The following UBTD1 variants were observed in gnomAD, a reference collection of about 807,000 sequenced individuals.
UBTD1 encodes the protein ubiquitin domain containing 1, also known as ubiquitin domain-containing protein 1.
UBTD1 carries 19 observed loss-of-function variants against 21.7 expected under a neutral mutation model. The ratio of observed to expected loss-of-function variants is 0.87; its 90% CI spans 0.61 to 1.28. UBTD1 has a LOEUF of 1.28. Among genes scored for constraint, UBTD1 ranks in the 50% most tolerant of loss-of-function variants. The pLI is 0.00. For missense variants in UBTD1, 282 were observed against 315.1 expected, an observed-to-expected ratio of 0.89 and a Z score of 0.80; for synonymous variants, 116 against 135.1, an observed-to-expected ratio of 0.86 and a Z score of 0.98.
chr10:97,556,708 A>G (rs1259394821), intron 1 of UBTD1, among the ~76,000 whole-genome samples: 1 of 152,256 alleles, frequency 6.6e-6, no homozygotes, highest in African/African-American at 2.4e-5. Flanking sequence ...AGATGACTTA[A>G]TGGTGCCAAT....
intron 1 of UBTD1, among the ~76,000 whole-genome samples, chr10:97,537,189 A>G (rs2040566777): frequency 6.6e-6 from 1 of 152,140 alleles, no homozygotes; most frequent in African/African-American, 2.4e-5. Flanking sequence ...CACAGTGGGT[A>G]CGCAGGAATT....
chr10:97,553,682 G>A (rs1054641742), intron 1 of UBTD1, among the ~76,000 whole-genome samples: 2 of 152,152 alleles, frequency 1.3e-5, no homozygotes, highest in Non-Finnish European at 2.9e-5. Flanking sequence ...AGGTGCTGCG[G>A]CTGCCCTCTG....
intron 1 of UBTD1, among the ~76,000 whole-genome samples, chr10:97,514,351 C>T (rs969537870): frequency 6.6e-6 from 1 of 152,196 alleles, no homozygotes; most frequent in Non-Finnish European, 1.5e-5. Context: ...TGTTCCCCAC[C>T]TGCCACCCTC....
chr10:97,541,516 G>C (rs2040587065), intron 1 of UBTD1, among the ~76,000 whole-genome samples: 1 of 151,928 alleles, frequency 6.6e-6, no homozygotes, highest in South Asian at 2.1e-4. Flanking sequence ...CATAAAACTG[G>C]TATTTCTACA....
chr10:97,565,391 T>C (rs1319844581), intron 1 of UBTD1, among the ~76,000 whole-genome samples: 1 of 152,240 alleles, frequency 6.6e-6, no homozygotes, highest in Non-Finnish European at 1.5e-5. Flanking sequence ...GGAATTGTAT[T>C]ACATTTATAG....
At chr10:97,557,978 T>A (rs1005266493) in intron 1 of UBTD1, among the ~76,000 whole-genome samples, 2 of 152,228 alleles carry the variant, frequency 1.3e-5, no homozygotes, top group African/African-American at 4.8e-5. Context: ...GTCCTTACTG[T>A]ACAAGTCTAA....
chr10:97,542,130 A>G (rs1480175662), intron 1 of UBTD1, among the ~76,000 whole-genome samples: 1 of 152,196 alleles, frequency 6.6e-6, no homozygotes, highest in Non-Finnish European at 1.5e-5. Flanking sequence ...TTCCTGAAGC[A>G]GCTGTGGCTG....
intron 1 of UBTD1, among the ~76,000 whole-genome samples, chr10:97,529,639 G>A (rs1343727277): frequency 1.3e-5 from 2 of 152,184 alleles, no homozygotes; most frequent in East Asian, 3.9e-4. Flanking sequence ...CAGGCACTCG[G>A]CAGGCTGAGG....
In UBTD1 at chr10:97,499,133, G is replaced by A; in HGVS notation, c.-71G>A. On this transcript the variant is annotated 5_prime_UTR_variant, in exon 1 of 3. Transcript: ENST00000370664. ...CGGGCGGCCGGAGCCATTGACCCGGGACGCCGCCGTCCGCTGAGCAGCCGA... is the reference window on the plus strand; with the variant it reads ...CGGGCGGCCGGAGCCATTGACCCGGAACGCCGCCGTCCGCTGAGCAGCCGA... 1 of 1,470,920 alleles carries A rather than the reference G, an allele frequency of 6.8e-7. No individual in the cohort carries two copies. Among genetic ancestry groups the A allele is most frequent in the Non-Finnish European group, 9.1e-7 (1 of 1,103,296 alleles). 91.1% of individuals were successfully genotyped at this position (1,470,920 alleles called of 1,614,324 possible).
chr10:97,549,612 C>T (rs1167077953), intron 1 of UBTD1, among the ~76,000 whole-genome samples: 1 of 152,220 alleles, frequency 6.6e-6, no homozygotes, highest in Admixed American at 6.5e-5. Flanking sequence ...TGCCTTGATC[C>T]TTCAGCTCTG....
chr10:97,507,976 A>G (rs1043840374), intron 1 of UBTD1, among the ~76,000 whole-genome samples: 1 of 152,196 alleles, frequency 6.6e-6, no homozygotes, highest in African/African-American at 2.4e-5. Context: ...CCTGAATCTT[A>G]GTTTCCAGCC....
rs1589886465 is a variant in UBTD1, at chr10:97,570,016, C to T, written c.299-122C>T. ...ACTTTATTTATTTCTGTATAGGCCC[C>T]ATGTCCAAATACAGTCACATTGGGG... On this transcript the variant is annotated intron_variant, in intron 2 of 2. Coordinates refer to ENST00000370664, the MANE Select transcript of UBTD1 (RefSeq NM_024954.5). This position sits in a 1 kb window ranked among gnomAD's most constrained non-coding sequence, Gnocchi z 6.6. The T allele has an allele frequency of 1.5e-6, 2 of 1,358,076 alleles. No homozygotes were observed. The highest frequency in any genetic ancestry group is 4.4e-5 in the Admixed American group (2 of 45,214). 84.1% of individuals were successfully genotyped at this position (1,358,076 alleles called of 1,614,324 possible). A position where few individuals can be genotyped will look rare whatever the true frequency, so the allele number is the denominator to read the frequency against.
intron 1 of UBTD1, among the ~76,000 whole-genome samples, chr10:97,500,381 A>G (rs531856146): frequency 6.6e-6 from 1 of 152,350 alleles, no homozygotes; most frequent in South Asian, 2.1e-4. Flanking sequence ...CAGGGGAAGC[A>G]GGGAAGGATG....
intron 1 of UBTD1, among the ~76,000 whole-genome samples, chr10:97,543,947 C>T (rs752095794): frequency 6.6e-6 from 1 of 151,916 alleles, no homozygotes; most frequent in Non-Finnish European, 1.5e-5. Flanking sequence ...CACATCTGGA[C>T]TGTTAAGTTA....
intron 1 of UBTD1, among the ~76,000 whole-genome samples, chr10:97,506,673 TC>T (rs888425917): frequency 6.6e-6 from 1 of 152,130 alleles, no homozygotes; most frequent in Non-Finnish European, 1.5e-5. Flanking sequence ...CATTTCTTCA[TC>T]CCCCCAACCA....
intron 1 of UBTD1, among the ~76,000 whole-genome samples, chr10:97,545,321 C>A (rs1421694905): frequency 6.9e-6 from 1 of 144,144 alleles, no homozygotes; most frequent in African/African-American, 2.5e-5. Flanking sequence ...GCCTGGGCAA[C>A]GAGCGAGACT....
At chr10:97,561,339 G>A (rs1030625180) in intron 1 of UBTD1, among the ~76,000 whole-genome samples, 1 of 152,134 alleles carries the variant, frequency 6.6e-6, no homozygotes, top group East Asian at 1.9e-4. Flanking sequence ...AGCAGGATGA[G>A]CCACAGACAA....
intron 1 of UBTD1, among the ~76,000 whole-genome samples, chr10:97,566,063 G>T (rs1314522723): frequency 2.0e-5 from 3 of 151,968 alleles, no homozygotes; most frequent in African/African-American, 7.3e-5. Context: ...AGATCTTCTT[G>T]GTTATACCTA....
chr10:97,529,666 G>A (rs1041417226), intron 1 of UBTD1, among the ~76,000 whole-genome samples: 23 of 152,234 alleles, frequency 1.5e-4, no homozygotes, highest in African/African-American at 5.5e-4. Flanking sequence ...AATCAGGCAG[G>A]GAGGTTGCAG....
Sources: gnomAD v4.1 joint callset for allele counts (sites outside exome capture counted in the v4.1 genomes callset) on GRCh38, gnomAD v4.1.1 for gene constraint, Gnocchi (gnomAD v3.1) non-coding constraint, MANE v1.5 for transcripts, NCBI Gene and HGNC (gene_info 2026-07-23, HGNC 2026-07-21) for gene names.